Variants in GSK3B observed in about 807,000 individuals in gnomAD.
GSK3B encodes glycogen synthase kinase 3 beta.
A neutral mutation model predicts 56.4 loss-of-function variants in GSK3B; 15 were observed. The observed-to-expected ratio is 0.27, with a 90% CI of 0.18 to 0.41. The LOEUF is 0.41. Among genes scored for constraint, GSK3B ranks in the 10% least tolerant of loss-of-function variants. The pLI, the probability that GSK3B is intolerant of heterozygous loss-of-function variation, is 1.00. For synonymous variants in GSK3B, 181 were observed against 188.9 expected (o/e 0.96, Z 0.34); for missense variants, 300 against 513.4 (o/e 0.58, Z 4.02).
At chr3:119,921,863 C>T (rs976284171) in intron 4 of GSK3B, among the ~76,000 whole-genome samples, 1 of 152,120 alleles carries the variant, frequency 6.6e-6, no homozygotes, top group African/African-American at 2.4e-5. Flanking sequence ...CCTGGCCAGG[C>T]GTGGTGGCTT....
At chr3:119,971,647 T>C (rs2057368321) in intron 2 of GSK3B, among the ~76,000 whole-genome samples, 1 of 129,458 alleles carries the variant, frequency 7.7e-6, no homozygotes, top group Admixed American at 8.3e-5. Flanking sequence ...AGTCTCGCTC[T>C]GTCGCCCAGG....
intron 1 of GSK3B, 31 bp from the exon 2 acceptor site, chr3:120,002,270 G>A (rs200540337): frequency 2.1e-5 from 29 of 1,368,560 alleles, no homozygotes; most frequent in South Asian, 1.4e-4. Context: ...TTTTTTTCAC[G>A]AGAACTGTAA....
intron 2 of GSK3B, among the ~76,000 whole-genome samples, chr3:119,948,844 G>A (rs1428989281): frequency 1.3e-5 from 2 of 152,026 alleles, no homozygotes; most frequent in Non-Finnish European, 2.9e-5. Flanking sequence ...GATTACAGGC[G>A]CCTGCCACCA....
chr3:119,955,154 A>G (rs1285169612), intron 2 of GSK3B, among the ~76,000 whole-genome samples: 2 of 152,024 alleles, frequency 1.3e-5, no homozygotes, highest in Non-Finnish European at 2.9e-5. Context: ...CTTAGTCATC[A>G]TAAGACTCAA....
chr3:119,919,447 G>A (rs1325236268), intron 4 of GSK3B, among the ~76,000 whole-genome samples: 1 of 151,206 alleles, frequency 6.6e-6, no homozygotes, highest in Admixed American at 6.6e-5. Context: ...TCAGATAAAA[G>A]GGATCGATGT....
chr3:119,960,572 G>A (rs2057261975), intron 2 of GSK3B, among the ~76,000 whole-genome samples: 1 of 152,164 alleles, frequency 6.6e-6, no homozygotes, highest in Non-Finnish European at 1.5e-5. Flanking sequence ...GGGAAAGTGG[G>A]TAAAGAGTTT....
intron 1 of GSK3B, among the ~76,000 whole-genome samples, chr3:120,005,793 C>A (rs1467521759): frequency 6.6e-6 from 1 of 152,094 alleles, no homozygotes; most frequent in Non-Finnish European, 1.5e-5. Flanking sequence ...ACATGGATAG[C>A]AACAACCGGT....
At chr3:120,048,257 G>A (rs1227517621) in intron 1 of GSK3B, among the ~76,000 whole-genome samples, 1 of 152,200 alleles carries the variant, frequency 6.6e-6, no homozygotes, top group African/African-American at 2.4e-5. Context: ...TGTGATATAA[G>A]TGCCTTTTAA....
chr3:119,961,332 T>C (rs1209454887), intron 2 of GSK3B, among the ~76,000 whole-genome samples: 1 of 152,028 alleles, frequency 6.6e-6, no homozygotes, highest in Admixed American at 6.6e-5. Context: ...GCATTAAAAG[T>C]GATGAGAAAA....
intron 2 of GSK3B, among the ~76,000 whole-genome samples, chr3:119,967,975 C>T (rs2057334788): frequency 6.6e-6 from 1 of 152,044 alleles, no homozygotes; most frequent in Non-Finnish European, 1.5e-5. Context: ...CCTGCCTCAG[C>T]CTCCTGAGTA....
chr3:120,064,526 T>C (rs979184082), intron 1 of GSK3B, among the ~76,000 whole-genome samples: 7 of 152,018 alleles, frequency 4.6e-5, no homozygotes, highest in African/African-American at 1.7e-4. Context: ...CCTAAACAAA[T>C]GAAAAGAAAT....
intron 1 of GSK3B, among the ~76,000 whole-genome samples, chr3:120,048,020 T>C (rs2058117709): frequency 6.6e-6 from 1 of 152,230 alleles, no homozygotes; most frequent in Admixed American, 6.5e-5. Context: ...TTACCACAAT[T>C]GTTAATACAC....
chr3:119,996,761 G>C (rs2057621214), intron 2 of GSK3B, among the ~76,000 whole-genome samples: 1 of 152,008 alleles, frequency 6.6e-6, no homozygotes, highest in Non-Finnish European at 1.5e-5. Flanking sequence ...AAAAGGAATA[G>C]TGATGAAAGA....
At chr3:119,959,496 T>C (rs1365808272) in intron 2 of GSK3B, among the ~76,000 whole-genome samples, 1 of 148,608 alleles carries the variant, frequency 6.7e-6, no homozygotes, top group Non-Finnish European at 1.5e-5. Flanking sequence ...TGATTCCTCT[T>C]TCTCTCTGAC....
chr3:120,027,451 T>A (rs1386351076), intron 1 of GSK3B, among the ~76,000 whole-genome samples: 1 of 150,760 alleles, frequency 6.6e-6, no homozygotes, highest in Non-Finnish European at 1.5e-5. Context: ...TTTCTAGGAA[T>A]ATGGCAAAAG....
chr3:120,085,036 T>C (rs949345729), intron 1 of GSK3B, among the ~76,000 whole-genome samples: 3 of 152,208 alleles, frequency 2.0e-5, no homozygotes, highest in African/African-American at 7.2e-5. Flanking sequence ...GAAATTGTAA[T>C]GCCAGTGGTC....
intron 3 of GSK3B, among the ~76,000 whole-genome samples, chr3:119,930,035 C>T (rs1207539066): frequency 6.6e-6 from 1 of 151,034 alleles, no homozygotes. Context: ...GCCGTGATGG[C>T]ACCACTGCAA....
intron 1 of GSK3B, among the ~76,000 whole-genome samples, chr3:120,079,301 A>G (rs947742970): frequency 2.0e-5 from 2 of 98,568 alleles, no homozygotes; most frequent in Non-Finnish European, 1.9e-5. Flanking sequence ...CCTTGACAGG[A>G]AATTACACAC....
intron 1 of GSK3B, among the ~76,000 whole-genome samples, chr3:120,070,742 T>C (rs922983359): frequency 2.0e-5 from 3 of 152,198 alleles, no homozygotes; most frequent in Admixed American, 2.0e-4. Context: ...TAGGGCAGCT[T>C]AGTCTTTTCC....
Sources: allele counts gnomAD v4.1 joint callset (sites outside exome capture counted in the v4.1 genomes callset), GRCh38; gene constraint gnomAD v4.1.1; transcripts MANE v1.5; gene names NCBI Gene and HGNC (gene_info 2026-07-23, HGNC 2026-07-21).